Variants in TRIM33 observed in about 807,000 individuals in gnomAD.
TRIM33 encodes tripartite motif containing 33, also known as E3 ubiquitin-protein ligase TRIM33.
Under a neutral mutation model 125.4 loss-of-function variants are expected in TRIM33, and 20 were observed. The ratio of observed to expected loss-of-function variants is 0.16; its 90% CI spans 0.11 to 0.23. The LOEUF (loss-of-function observed/expected upper bound fraction) is 0.23, where lower values mean the gene tolerates loss of function less well. TRIM33 is among the 10% of genes least tolerant of loss of function. The pLI is 1.00. For synonymous variants in TRIM33, 564 were observed against 513.9 expected (o/e 1.10, Z -1.32); for missense variants, 920 against 1,411.4 (o/e 0.65, Z 5.58).
In TRIM33 at chr1:114,394,497, A is replaced by C. The variant is rs920049775; in HGVS notation, c.*3151T>G. Reference sequence around the variant, plus strand: ...CAATTTGCACACTTATAAACCTTTTACTTCTATTTAAAAGCATTATTTATT... The same window carrying C: ...CAATTTGCACACTTATAAACCTTTTCCTTCTATTTAAAAGCATTATTTATT... On this transcript the variant is annotated 3_prime_UTR_variant, in exon 20 of 20. Coordinates refer to ENST00000358465, the MANE Select transcript of TRIM33 (RefSeq NM_015906.4). The C allele has an allele frequency of 1.9e-5, 4 of 213,866 alleles. No homozygotes were observed. The highest frequency in any genetic ancestry group is 2.8e-5 in the Non-Finnish European group (3 of 105,528). 13.2% of individuals were successfully genotyped at this position (213,866 alleles called of 1,614,324 possible). A position where few individuals can be genotyped will look rare whatever the true frequency, so the allele number is the denominator to read the frequency against.
chr1:114,413,061 C>T (rs1332063263), intron 11 of TRIM33, among the ~76,000 whole-genome samples: 2 of 152,262 alleles, frequency 1.3e-5, no homozygotes, highest in South Asian at 2.1e-4. Flanking sequence ...ATAAGTATGT[C>T]GTGGTACATC....
intron 4 of TRIM33, among the ~76,000 whole-genome samples, chr1:114,458,171 C>T (rs893861973): frequency 6.6e-6 from 1 of 152,096 alleles, no homozygotes; most frequent in Non-Finnish European, 1.5e-5. Context: ...CTGAAACCAC[C>T]TTTGTAAAGC....
At chr1:114,442,742 C>T (rs561905707) in intron 4 of TRIM33, among the ~76,000 whole-genome samples, 20 of 141,244 alleles carry the variant, frequency 1.4e-4, no homozygotes, top group South Asian at 9.4e-4. Flanking sequence ...GAAGAATTTA[C>T]GGAAGAACTA....
At chr1:114,504,102 A>C (rs1309910900) in intron 1 of TRIM33, among the ~76,000 whole-genome samples, 1 of 152,206 alleles carries the variant, frequency 6.6e-6, no homozygotes, top group Non-Finnish European at 1.5e-5. Flanking sequence ...AGTGTGTGAA[A>C]GTAAATATGC....
chr1:114,505,321 G>A (rs1043350851), intron 1 of TRIM33, among the ~76,000 whole-genome samples: 1 of 152,058 alleles, frequency 6.6e-6, no homozygotes, highest in Non-Finnish European at 1.5e-5. Flanking sequence ...AGAAAAAGTA[G>A]AGCCTAAAAA....
intron 11 of TRIM33, among the ~76,000 whole-genome samples, chr1:114,417,000 G>A (rs937624067): frequency 5.9e-5 from 9 of 152,130 alleles, no homozygotes; most frequent in Admixed American, 2.6e-4. Flanking sequence ...AATGTTCAAT[G>A]ATGAACAAAT....
intron 4 of TRIM33, among the ~76,000 whole-genome samples, chr1:114,447,152 A>G (rs1010370400): frequency 8.5e-5 from 13 of 152,196 alleles, no homozygotes; most frequent in Admixed American, 4.6e-4. Flanking sequence ...GATTCACTCT[A>G]GCAGTTGTAT....
At chr1:114,414,730 G>A (rs1652819950) in intron 11 of TRIM33, among the ~76,000 whole-genome samples, 1 of 152,060 alleles carries the variant, frequency 6.6e-6, no homozygotes, top group Non-Finnish European at 1.5e-5. Flanking sequence ...CTCTATGACA[G>A]CAGGTCTCTC....
intron 1 of TRIM33, among the ~76,000 whole-genome samples, chr1:114,481,981 G>T (rs948483845): frequency 7.2e-5 from 11 of 152,058 alleles, no homozygotes; most frequent in African/African-American, 2.2e-4. Flanking sequence ...GGCTGGTCTT[G>T]AACTCCTGAC....
chr1:114,493,590 A>G (rs1250968351), intron 1 of TRIM33, among the ~76,000 whole-genome samples: 7 of 151,766 alleles, frequency 4.6e-5, no homozygotes, highest in Non-Finnish European at 8.8e-5. Context: ...CAGCCTGTTG[A>G]TATATTTTGA....
rs759444094 is a variant in TRIM33 at position 114,421,595 on chromosome 1, C to T, written c.1902G>A (p.Ser634=). 7.4e-6 allele frequency: 12 copies of T among 1,613,792 alleles called. No homozygotes were observed. Among genetic ancestry groups the T allele is most frequent in the South Asian group, 3.3e-5 (3 of 91,064 alleles). The change falls in exon 11 of 20, where the codon TCG becomes TCA. Residue 634 remains serine, a synonymous_variant. Coordinates refer to ENST00000358465, the MANE Select transcript of TRIM33 (RefSeq NM_015906.4). ...PGHAGPFPVV[S]VHNTTINPTS... Reference sequence around the variant, plus strand: ...TTGGGTTGATTGTGGTGTTGTGTACCGATACTACGGGAAAGGGTCCAGCAT... The same window carrying T: ...TTGGGTTGATTGTGGTGTTGTGTACTGATACTACGGGAAAGGGTCCAGCAT...
chr1:114,461,102 T>C (rs1649954539), intron 4 of TRIM33, among the ~76,000 whole-genome samples: 2 of 151,368 alleles, frequency 1.3e-5, no homozygotes, highest in Admixed American at 6.6e-5. Context: ...TCCCAGCACT[T>C]TGGGAGGCTG....
In TRIM33 at chr1:114,510,835, G is replaced by A. The variant is rs1036492951; in HGVS notation, c.242C>T (p.Pro81Leu). ...SSGSAQAASS[P>L]AASVGTGVAG... ...AACTCCAGTGCCCACTGAGGCCGCA[G>A]GAGATGAAGCAGCCTGGGCCGAGCC... The change falls in exon 1 of 20, where the codon CCT (proline) becomes CTT (leucine). Residue 81 changes from proline to leucine, a missense_variant. Pro to Leu is a moderately conservative substitution (Grantham distance 98). This residue lies in a region of TRIM33 where 233 missense variants were observed against 189.6 expected (regional missense o/e 1.23). Transcript: ENST00000358465. The A allele has an allele frequency of 3.3e-6, 5 of 1,518,224 alleles. No homozygotes were observed. Among genetic ancestry groups the A allele is most frequent in the Admixed American group, 4.0e-5 (2 of 49,600 alleles). The allele number at this position is 1,518,224 out of a possible 1,614,324, so 94.0% of individuals were successfully genotyped here.
chr1:114,482,489 T>C lies in TRIM33; in HGVS notation c.527-18101A>G, dbSNP rs575986759. Among the ~76,000 whole-genome samples the C allele has an allele frequency of 2.6e-5, 4 of 152,098 alleles. No homozygotes were observed. The East Asian group carries it at 5.8e-4, about 22-fold the overall frequency. ...GTGCAGGGAGGGAGATGGGGGGAGA[T>C]AGAGAAGACAGATTGGTATTGATCT... On this transcript the variant is annotated intron_variant, in intron 1 of 19. Coordinates refer to ENST00000358465, the MANE Select transcript of TRIM33 (RefSeq NM_015906.4).
At chr1:114,475,925 G>C (rs1055367573) in intron 1 of TRIM33, among the ~76,000 whole-genome samples, 7 of 151,802 alleles carry the variant, frequency 4.6e-5, no homozygotes, top group African/African-American at 1.2e-4. Context: ...GCTTGAGCCC[G>C]GGAGGTGGAG....
chr1:114,453,207 T>C (rs1557874167), intron 4 of TRIM33, among the ~76,000 whole-genome samples: 1 of 151,436 alleles, frequency 6.6e-6, no homozygotes, highest in Non-Finnish European at 1.5e-5. Context: ...CTACTAAAAA[T>C]ACAAAAATTA....
At position 114,511,085 on chromosome 1, in the gene TRIM33, C is replaced by G. The variant is rs1045099966; in HGVS notation, c.-9G>C. The G allele has an allele frequency of 4.1e-6, 5 of 1,228,664 alleles. No individual in the cohort carries two copies. The African/African-American group carries it at 8.0e-5, about 20-fold the overall frequency. The allele number at this position is 1,228,664 out of a possible 1,614,324, so 76.1% of individuals were successfully genotyped here. A position where few individuals can be genotyped will look rare whatever the true frequency, so the allele number is the denominator to read the frequency against. ...CCTTTGTTTTCCGCCATGTTTTCCT[C>G]TTTGAACCCGCCGGACCGCCCCGCG... On this transcript the variant is annotated 5_prime_UTR_variant, in exon 1 of 20. Coordinates refer to ENST00000358465, the MANE Select transcript of TRIM33 (RefSeq NM_015906.4).
At chr1:114,405,141 TATTA>T (rs1270587375) in intron 15 of TRIM33, 4 of 295,816 alleles carry the variant, frequency 1.4e-5, no homozygotes, top group Non-Finnish European at 2.5e-5. Flanking sequence ...CTTAGCCCCC[TATTA>T]ATTTAGAGTT....
At chr1:114,453,295 C>G (rs1649428726) in intron 4 of TRIM33, among the ~76,000 whole-genome samples, 1 of 148,964 alleles carries the variant, frequency 6.7e-6, no homozygotes, top group African/African-American at 2.5e-5. Flanking sequence ...ATCCAGGAGG[C>G]AGAGGTTGCA....
Sources: allele counts gnomAD v4.1 joint callset (sites outside exome capture counted in the v4.1 genomes callset), GRCh38; gene constraint gnomAD v4.1.1; regional missense constraint gnomAD v4.1.1; transcripts MANE v1.5; gene names NCBI Gene and HGNC (gene_info 2026-07-23, HGNC 2026-07-21).